Variants in CMIP observed in about 807,000 individuals in gnomAD.
The protein encoded by CMIP is c-Maf inducing protein, also known as C-Maf-inducing protein.
Under a neutral mutation model 97.3 loss-of-function variants are expected in CMIP, and 13 were observed. The observed-to-expected ratio is 0.13, with a 90% CI of 0.09 to 0.21. The LOEUF (loss-of-function observed/expected upper bound fraction) is 0.21. CMIP is among the 10% of genes least tolerant of loss of function. The pLI is 1.00. For missense variants in CMIP, 847 were observed against 1,024.9 expected (o/e 0.83, Z 2.37); for synonymous variants, 538 against 436.3 (o/e 1.23, Z -2.91).
At chr16:81,691,918 GC>G in intron 11 of CMIP, 78 bp downstream of exon 11, 1 of 1,260,152 alleles carries the variant, frequency 7.9e-7, no homozygotes, top group Non-Finnish European at 1.2e-6. Context: ...TTAGTGGGGG[GC>G]CAGTCATGTT....
intron 9 of CMIP, among the ~76,000 whole-genome samples, chr16:81,672,297 G>T (rs2092690136): frequency 6.6e-6 from 1 of 152,260 alleles, no homozygotes. Context: ...GCAACTGCAA[G>T]GCTGTTAGAG....
Position 81,456,856 on chromosome 16 carries a change from C to G in CMIP, c.300+11315C>G, listed in dbSNP as rs560490200. 3.9e-5 allele frequency among the ~76,000 whole-genome samples: 6 copies of G among 152,264 alleles called. No individual in the cohort carries two copies. In the East Asian group the frequency reaches 9.7e-4, roughly 25 times the overall value. On this transcript the variant is annotated intron_variant, in intron 1 of 20. Transcript: ENST00000537098. ...GTGTGGACAGAGCAGAAGGGTCTAC[C>G]CTGACTGCACTGGGGCCCCTTCCGG...
chr16:81,445,667 C>G, intron 1 of CMIP, 126 bp downstream of exon 1: 1 of 1,087,474 alleles, frequency 9.2e-7, no homozygotes, highest in East Asian at 2.6e-5. Context: ...GCCGGGGGAA[C>G]GGGGAGAACC....
intron 3 of CMIP, among the ~76,000 whole-genome samples, chr16:81,629,340 G>T (rs780217184): frequency 2.0e-5 from 3 of 151,796 alleles, no homozygotes; most frequent in Non-Finnish European, 4.4e-5. Context: ...CACACTGGTC[G>T]CTGTGTCCCC....
At chr16:81,507,735 C>T (rs60403449) in intron 1 of CMIP, among the ~76,000 whole-genome samples, 2 of 152,120 alleles carry the variant, frequency 1.3e-5, no homozygotes, top group East Asian at 3.9e-4. Flanking sequence ...TAAGATTAAC[C>T]AGGAGACCTG....
chr16:81,564,467 T>A (rs1243238850), intron 1 of CMIP, among the ~76,000 whole-genome samples: 1 of 152,212 alleles, frequency 6.6e-6, no homozygotes, highest in African/African-American at 2.4e-5. Context: ...TTCCATGTAA[T>A]GTGGCTCTGA....
intron 1 of CMIP, among the ~76,000 whole-genome samples, chr16:81,557,162 G>A (rs1047460239): frequency 2.6e-5 from 4 of 152,112 alleles, no homozygotes; most frequent in Admixed American, 6.5e-5. Flanking sequence ...TCAGCTTTTC[G>A]GTAAATCCAA....
At chr16:81,667,791 AGAGAGAGAGTGTGTGT>A (rs1346235515) in intron 7 of CMIP, among the ~76,000 whole-genome samples, 1,203 of 102,624 alleles carry the variant, frequency 0.012, 6 homozygotes, top group African/African-American at 0.038. Context: ...AGAGAGAGAG[AGAGAGAGAGTGTGTGT>A]GTGTGTGTGT....
At chr16:81,551,250 C>T (rs1343693006) in intron 1 of CMIP, among the ~76,000 whole-genome samples, 3 of 152,076 alleles carry the variant, frequency 2.0e-5, no homozygotes, top group Admixed American at 2.0e-4. Flanking sequence ...TCATCACACA[C>T]CCCAGTTCCA....
intron 1 of CMIP, among the ~76,000 whole-genome samples, chr16:81,514,293 T>C (rs1354173282): frequency 6.6e-6 from 1 of 152,094 alleles, no homozygotes; most frequent in Non-Finnish European, 1.5e-5. Flanking sequence ...AGCTTCCCCT[T>C]TGTGGGGGCG....
intron 5 of CMIP, among the ~76,000 whole-genome samples, chr16:81,660,124 A>G (rs537152175): frequency 3.9e-5 from 6 of 152,092 alleles, no homozygotes; most frequent in Non-Finnish European, 7.4e-5. Flanking sequence ...CCGGCTCACT[A>G]TGGAAGGCGC....
Position 81,454,767 on chromosome 16 carries a change from T to A in CMIP, c.300+9226T>A, listed in dbSNP as rs13333580. On this transcript the variant is annotated intron_variant, in intron 1 of 20. Transcript: ENST00000537098. ...GAACAAAGCACATTGCTTAGAGAGG[T>A]TTATGTCTTGTCCTGTGTTTGGACG... is the stretch of plus-strand genomic sequence containing the variant. 0.018 allele frequency among the ~76,000 whole-genome samples: 2,800 copies of A among 152,190 alleles called. 173 individuals carry two copies. In the East Asian group the frequency reaches 0.25, roughly 14 times the overall value.
intron 4 of CMIP, among the ~76,000 whole-genome samples, chr16:81,656,622 C>G (rs1318968644): frequency 6.6e-6 from 1 of 152,182 alleles, no homozygotes; most frequent in Non-Finnish European, 1.5e-5. Context: ...AATCGTGAAA[C>G]CTGAAATGCT....
At chr16:81,599,674 C>T (rs528895150) in intron 1 of CMIP, among the ~76,000 whole-genome samples, 3 of 152,254 alleles carry the variant, frequency 2.0e-5, no homozygotes, top group African/African-American at 4.8e-5. Context: ...ATGGAAGTTG[C>T]TGTCTTGGGG....
At chr16:81,586,703 G>T (rs960002090) in intron 1 of CMIP, among the ~76,000 whole-genome samples, 2 of 151,988 alleles carry the variant, frequency 1.3e-5, no homozygotes, top group African/African-American at 2.4e-5. Context: ...TGAAGTATTC[G>T]TCCCACTTTC....
At chr16:81,672,949 T>C (rs1381347121) in intron 9 of CMIP, among the ~76,000 whole-genome samples, 1 of 152,156 alleles carries the variant, frequency 6.6e-6, no homozygotes, top group Non-Finnish European at 1.5e-5. Flanking sequence ...AATTCCCTGC[T>C]CTCTTGGGGC....
At chr16:81,567,770 C>T (rs1006083379) in intron 1 of CMIP, among the ~76,000 whole-genome samples, 5 of 152,236 alleles carry the variant, frequency 3.3e-5, no homozygotes, top group Admixed American at 2.6e-4. Flanking sequence ...TGCCTTATTT[C>T]GTCCCCGCTT....
At chr16:81,486,052 CAG>C (rs1357587527) in intron 1 of CMIP, among the ~76,000 whole-genome samples, 1 of 152,222 alleles carries the variant, frequency 6.6e-6, no homozygotes, top group Non-Finnish European at 1.5e-5. Context: ...GCCTGACAGG[CAG>C]AGAGGGGCTC....
intron 1 of CMIP, among the ~76,000 whole-genome samples, chr16:81,470,773 T>A (rs1907477312): frequency 6.6e-6 from 1 of 152,224 alleles, no homozygotes. Context: ...TGGGATTTTG[T>A]AAGTAGAAAA....
Sources: gnomAD v4.1 joint callset for allele counts (sites outside exome capture counted in the v4.1 genomes callset) on GRCh38, gnomAD v4.1.1 for gene constraint, MANE v1.5 for transcripts, NCBI Gene and HGNC (gene_info 2026-07-23, HGNC 2026-07-21) for gene names.